NME8: variants seen among roughly 807,000 people sequenced by gnomAD.
The protein encoded by NME8 is NME/NM23 family member 8.
In NME8, 72 loss-of-function variants were observed where a neutral mutation model predicts 82.3. That is an observed-to-expected ratio of 0.87 (90% confidence interval 0.72 to 1.06). The LOEUF is 1.06. Among genes scored for constraint, NME8 ranks in the 50% least tolerant of loss-of-function variants. The pLI is 0.00. For missense variants in NME8, 712 were observed against 685.4 expected (o/e 1.04, Z -0.43); for synonymous variants, 267 against 228.5 (o/e 1.17, Z -1.52).
chr7:37,882,597 A>AAGAGAGAG lies in NME8; in HGVS notation c.995-1694_995-1687dup, dbSNP rs772102601. Among the ~76,000 whole-genome samples the AAGAGAGAG allele has an allele frequency of 1.1e-3, 93 of 83,030 alleles. 1 individual carries two copies. Among genetic ancestry groups the AAGAGAGAG allele is most frequent in the Non-Finnish European group, 1.7e-3 (64 of 38,526 alleles). 54.5% of individuals were successfully genotyped at this position (83,030 alleles called of 152,430 possible). On this transcript the variant is annotated intron_variant, in intron 12 of 17. Transcript: ENST00000199447. ...AAAGAAAGAAAGAAAGAAAGAAAGA[A>AAGAGAGAG]AGAGAGAGAGAGAGAGAGAAAGAAA...
chr7:37,862,541 C>T (rs568158703), intron 7 of NME8, among the ~76,000 whole-genome samples: 63 of 151,746 alleles, frequency 4.2e-4, no homozygotes, highest in African/African-American at 1.4e-3. Flanking sequence ...AAGTATATAG[C>T]AATTATTTAT....
At chr7:37,855,078 G>A (rs891796274) in intron 5 of NME8, among the ~76,000 whole-genome samples, 1 of 152,044 alleles carries the variant, frequency 6.6e-6, no homozygotes, top group African/African-American at 2.4e-5. Context: ...AGCCTTCCAG[G>A]TCCTTATGAG....
chr7:37,894,717 CATGAAAAG>C (rs1785193284), intron 16 of NME8, 107 bp downstream of exon 16: 2 of 1,080,222 alleles, frequency 1.9e-6, no homozygotes, highest in African/African-American at 3.1e-5. Flanking sequence ...TAATCTCATT[CATGAAAAG>C]ACATTCTGCT....
Position 37,863,276 on chromosome 7 carries a change from C to T in NME8, c.388-120C>T, listed in dbSNP as rs1005368270. 63 of 671,170 alleles carry T rather than the reference C, an allele frequency of 9.4e-5. No individual in the cohort carries two copies. In the African/African-American group the frequency reaches 9.7e-4, roughly 10 times the overall value. The allele number at this position is 671,170 out of a possible 1,614,324, so 41.6% of individuals were successfully genotyped here. ...TGTTAGATAAGTTCAGGAACTCTTC[C>T]ACTTTACTTTCTATTTCTTAGACTA... On this transcript the variant is annotated intron_variant, in intron 7 of 17. Coordinates refer to ENST00000199447, the MANE Select transcript of NME8 (RefSeq NM_016616.5).
At chr7:37,859,484 C>T (rs966747929) in intron 6 of NME8, among the ~76,000 whole-genome samples, 6 of 152,332 alleles carry the variant, frequency 3.9e-5, no homozygotes, top group African/African-American at 9.6e-5. Flanking sequence ...TTCCTTTGGA[C>T]ACTCTCTCCA....
chr7:37,894,380 T>C, intron 15 of NME8, 86 bp from the exon 16 acceptor site: 2 of 1,377,338 alleles, frequency 1.5e-6, no homozygotes, highest in Non-Finnish European at 2.1e-6. Context: ...AATTAAACTA[T>C]CATTTTCCTT....
intron 12 of NME8, among the ~76,000 whole-genome samples, chr7:37,883,943 G>A (rs1785002055): frequency 6.6e-6 from 1 of 151,002 alleles, no homozygotes; most frequent in Admixed American, 6.6e-5. Flanking sequence ...TGTGTTGGTT[G>A]ATTATTTAGG....
rs1175839962 is a variant in NME8 at position 37,870,396 on chromosome 7, C to A, written c.818+2498C>A. ...ATGAGGTCAGGAGATCGAGACCAGC[C>A]TGATCAACATGGTGAAACCCAGTCT... On this transcript the variant is annotated intron_variant, in intron 11 of 17. Transcript: ENST00000199447. 3.3e-5 allele frequency among the ~76,000 whole-genome samples: 5 copies of A among 151,914 alleles called. No individual in the cohort carries two copies. The East Asian group carries it at 9.6e-4, about 29-fold the overall frequency.
intron 11 of NME8, among the ~76,000 whole-genome samples, chr7:37,874,524 C>T (rs945282028): frequency 2.0e-5 from 3 of 152,074 alleles, no homozygotes; most frequent in Non-Finnish European, 4.4e-5. Context: ...AACATTAATG[C>T]AGTGGATAAG....
At chr7:37,862,183 A>T (rs1213298965) in intron 7 of NME8, 39 bp downstream of exon 7, 6 of 1,374,474 alleles carry the variant, frequency 4.4e-6, no homozygotes, top group Non-Finnish European at 6.2e-6. Context: ...AGACAAGCTT[A>T]TCATTTAGAG....
chr7:37,851,817 A>T (rs1049287166), intron 5 of NME8, among the ~76,000 whole-genome samples: 1 of 152,192 alleles, frequency 6.6e-6, no homozygotes, highest in Admixed American at 6.5e-5. Flanking sequence ...TATCTCTGAA[A>T]TACATAGTTC....
chr7:37,852,972 G>T (rs1784457564), intron 5 of NME8, among the ~76,000 whole-genome samples: 1 of 152,148 alleles, frequency 6.6e-6, no homozygotes. Context: ...GAGAGTTTCT[G>T]TTGGTCCACA....
At position 37,876,991 on chromosome 7, in the gene NME8, C is replaced by G. The variant is rs759874838; in HGVS notation, c.978C>G (p.Leu326=). 1.2e-6 allele frequency: 2 copies of G among 1,612,904 alleles called. No homozygotes were observed. Among genetic ancestry groups the G allele is most frequent in the East Asian group, 4.5e-5 (2 of 44,706 alleles). ...CATTGGCATTACTTCGACCAAATCT[C>G]TTTCATGAAAGGAAAGGTAGGGAAT... is the stretch of plus-strand genomic sequence containing the variant. ...EKTLALLRPN[L]FHERKDDVLR... is the part of the protein sequence containing the mutation. Residue 326 remains leucine, a synonymous_variant, in exon 12 of 18, where the codon CTC becomes CTG. Transcript: ENST00000199447.
chr7:37,863,392 A>T lies in NME8; in HGVS notation c.388-4A>T, dbSNP rs769625944. ...TATCTTTGCATTGCATTTCTTTTTC[A>T]TAGTATCCTGAAATTCCATTAGTAG... On this transcript the variant is annotated splice_polypyrimidine_tract_variant and splice_region_variant and intron_variant, in intron 7 of 17. Coordinates refer to ENST00000199447, the MANE Select transcript of NME8 (RefSeq NM_016616.5). The T allele has an allele frequency of 6.4e-7, 1 of 1,558,456 alleles. No individual in the cohort carries two copies. Among genetic ancestry groups the T allele is most frequent in the Non-Finnish European group, 8.9e-7 (1 of 1,129,844 alleles).
chr7:37,872,760 A>G (rs947820169), intron 11 of NME8, among the ~76,000 whole-genome samples: 12 of 124,004 alleles, frequency 9.7e-5, no homozygotes, highest in Non-Finnish European at 1.1e-4. Flanking sequence ...GCACAGAGAA[A>G]GAACAGATGG....
intron 15 of NME8, among the ~76,000 whole-genome samples, chr7:37,894,213 T>C (rs981908136): frequency 6.6e-6 from 1 of 152,132 alleles, no homozygotes; most frequent in Non-Finnish European, 1.5e-5. Flanking sequence ...CCCCTTCTAC[T>C]CTTGTGGCCT....
At chr7:37,878,340 A>G (rs916784214) in intron 12 of NME8, among the ~76,000 whole-genome samples, 2 of 152,140 alleles carry the variant, frequency 1.3e-5, no homozygotes, top group Non-Finnish European at 2.9e-5. Context: ...TACACACTGC[A>G]GGTTTTGATT....
At chr7:37,855,735 C>T (rs1010431157) in intron 5 of NME8, among the ~76,000 whole-genome samples, 2 of 152,150 alleles carry the variant, frequency 1.3e-5, no homozygotes, top group African/African-American at 4.8e-5. Flanking sequence ...AGATCCCTCG[C>T]TTACTTTTGC....
At chr7:37,881,307 T>A (rs1023261629) in intron 12 of NME8, among the ~76,000 whole-genome samples, 5 of 152,178 alleles carry the variant, frequency 3.3e-5, no homozygotes, top group African/African-American at 9.6e-5. Context: ...TTGAAGATGT[T>A]CTCTAGTAAG....
Sources: gnomAD v4.1 joint callset for allele counts (sites outside exome capture counted in the v4.1 genomes callset) on GRCh38, gnomAD v4.1.1 for gene constraint, MANE v1.5 for transcripts, NCBI Gene and HGNC (gene_info 2026-07-23, HGNC 2026-07-21) for gene names.